Variants in SYNRG observed in about 807,000 individuals in gnomAD.
The protein encoded by SYNRG is AP1 gamma subunit binding protein 1.
In SYNRG, 37 loss-of-function variants were observed where a neutral mutation model predicts 130.9. The ratio of observed to expected loss-of-function variants is 0.28; its 90% CI spans 0.22 to 0.37. The LOEUF (loss-of-function observed/expected upper bound fraction) is 0.37, where lower values mean the gene tolerates loss of function less well. Ranked by LOEUF, SYNRG falls within the 10% of genes least tolerant of loss-of-function variation. SYNRG has a pLI of 1.00. For synonymous variants in SYNRG, 539 were observed against 568.1 expected (o/e 0.95, Z 0.73); for missense variants, 1,338 against 1,588.9 (o/e 0.84, Z 2.68).
rs779027775 is a variant in SYNRG, at chr17:37,596,224, T to C, written c.239A>G (p.Gln80Arg). The C allele has an allele frequency of 5.0e-6, 8 of 1,613,682 alleles. No homozygotes were observed. In the South Asian group the frequency reaches 8.8e-5, roughly 18 times the overall value. The change falls in exon 3 of 22, where the codon CAG becomes CGG. Residue 80 changes from glutamine (Q) to arginine (R), a missense_variant and splice_region_variant. Around this residue, in one of 3 missense-constraint regions of SYNRG, gnomAD observed 184 missense variants for 217.2 expected, o/e 0.85. Coordinates refer to ENST00000612223, the MANE Select transcript of SYNRG (RefSeq NM_007247.6). ...SQMSQGPIAM[Q>R]AGIPMGPMPA... ...GAAACCAACTAAAGAAGCAAGTACC[T>C]GCATAGCAATAGGTCCTTGGGACAT...
At chr17:37,523,204 G>T (rs1009532772) in intron 19 of SYNRG, among the ~76,000 whole-genome samples, 1 of 152,014 alleles carries the variant, frequency 6.6e-6, no homozygotes, top group Admixed American at 6.6e-5. Context: ...GTCACCCAGG[G>T]TGGAGTGCAG....
chr17:37,526,442 GT>G (rs1455272381), intron 19 of SYNRG, among the ~76,000 whole-genome samples: 5 of 152,218 alleles, frequency 3.3e-5, no homozygotes, highest in Non-Finnish European at 7.3e-5. Context: ...CAATTATAAA[GT>G]TTTGGTATTT....
chr17:37,596,162 T>C, intron 3 of SYNRG, 61 bp downstream of exon 3: 1 of 1,571,824 alleles, frequency 6.4e-7, no homozygotes, highest in Admixed American at 1.8e-5. Context: ...CTGTAGCTCT[T>C]GATATATAAA....
intron 6 of SYNRG, 135 bp from the exon 7 acceptor site, chr17:37,577,748 T>C (rs980070506): frequency 5.4e-5 from 38 of 700,204 alleles, no homozygotes; most frequent in African/African-American, 4.6e-4. Flanking sequence ...ACCCAGGCTG[T>C]AGTGTACTGG....
At chr17:37,591,585 G>GGT (rs2062196904) in intron 3 of SYNRG, among the ~76,000 whole-genome samples, 1 of 152,198 alleles carries the variant, frequency 6.6e-6, no homozygotes, top group African/African-American at 2.4e-5. Context: ...CTGTGTTATT[G>GGT]GTGAAGGAAC....
At chr17:37,569,356 G>T (rs1004592394) in intron 10 of SYNRG, among the ~76,000 whole-genome samples, 6 of 149,540 alleles carry the variant, frequency 4.0e-5, no homozygotes, top group Admixed American at 6.7e-5. Context: ...GTTGCAGTGA[G>T]CCGAGATTGT....
chr17:37,534,539 T>A (rs941335212), intron 19 of SYNRG, among the ~76,000 whole-genome samples: 2 of 152,090 alleles, frequency 1.3e-5, no homozygotes, highest in African/African-American at 4.8e-5. Context: ...TGAATTTAGA[T>A]TTTTAAAAGA....
chr17:37,587,004 A>G (rs2061742905), intron 3 of SYNRG, among the ~76,000 whole-genome samples: 1 of 152,212 alleles, frequency 6.6e-6, no homozygotes, highest in Non-Finnish European at 1.5e-5. Context: ...ATGAGAGGAT[A>G]ATGAATATTT....
At chr17:37,555,229 C>T (rs148190560) in intron 13 of SYNRG, among the ~76,000 whole-genome samples, 1,796 of 152,120 alleles carry the variant, frequency 0.012, 29 homozygotes, top group African/African-American at 0.04. Flanking sequence ...CAGGTTCAAG[C>T]GATTCTCCTG....
Position 37,609,350 on chromosome 17 carries a change from C to G in SYNRG, c.6G>C (p.Ala2=). Residue 2 remains alanine (A), a synonymous_variant, in exon 1 of 22, where the codon GCG becomes GCC. Transcript: ENST00000612223. The part of the protein sequence containing the change: M[A]LRPGAGSGGG... The stretch of plus-strand genomic sequence containing the variant: ...CACCAGAACCAGCTCCTGGCCGCAG[C>G]GCCATCTTGCTCCCGACCTGCCGCT... 13 of 1,450,948 alleles carry G rather than the reference C, an allele frequency of 9.0e-6. No individual in the cohort carries two copies. The highest frequency in any genetic ancestry group is 9.0e-6 in the Non-Finnish European group (10 of 1,108,116). The allele number at this position is 1,450,948 out of a possible 1,614,324, so 89.9% of individuals were successfully genotyped here.
intron 13 of SYNRG, among the ~76,000 whole-genome samples, chr17:37,558,651 G>A (rs2145569359): frequency 6.6e-6 from 1 of 152,236 alleles, no homozygotes; most frequent in Non-Finnish European, 1.5e-5. Context: ...TTAAATTATA[G>A]CCAATCTTGA....
chr17:37,586,347 G>T, intron 4 of SYNRG, 72 bp downstream of exon 4: 1 of 1,583,328 alleles, frequency 6.3e-7, no homozygotes, highest in South Asian at 1.1e-5. Flanking sequence ...CTGCACTAGA[G>T]ATCATTAGAC....
intron 13 of SYNRG, among the ~76,000 whole-genome samples, chr17:37,554,962 T>A (rs951790186): frequency 2.0e-5 from 3 of 152,158 alleles, no homozygotes; most frequent in African/African-American, 4.8e-5. Flanking sequence ...ATTTATTTTT[T>A]AAATAAAATT....
intron 19 of SYNRG, among the ~76,000 whole-genome samples, chr17:37,524,051 C>T (rs1413344362): frequency 6.6e-6 from 1 of 152,194 alleles, no homozygotes; most frequent in Non-Finnish European, 1.5e-5. Context: ...GCTAACACAG[C>T]CCATCGTGGT....
rs774914804 is a variant in SYNRG at position 37,609,372 on chromosome 17, C to T, written c.-17G>A. The T allele has an allele frequency of 3.5e-6, 5 of 1,413,270 alleles. No homozygotes were observed. Among genetic ancestry groups the T allele is most frequent in the African/African-American group, 1.5e-5 (1 of 66,710 alleles). 87.5% of individuals were successfully genotyped at this position (1,413,270 alleles called of 1,614,324 possible). A position where few individuals can be genotyped will look rare whatever the true frequency, so the allele number is the denominator to read the frequency against. ...CAGCGCCATCTTGCTCCCGACCTGC[C>T]GCTGCCTTCGCCGCCGCCACCTTAT... On this transcript the variant is annotated 5_prime_UTR_variant, in exon 1 of 22. Transcript: ENST00000612223.
chr17:37,577,665 T>C, intron 6 of SYNRG, 52 bp from the exon 7 acceptor site: 3 of 1,416,260 alleles, frequency 2.1e-6, no homozygotes, highest in Non-Finnish European at 2.9e-6. Context: ...ATGTCTAATC[T>C]TTTTAACCAT....
intron 19 of SYNRG, among the ~76,000 whole-genome samples, chr17:37,523,669 C>G (rs1052221090): frequency 1.3e-5 from 2 of 152,150 alleles, no homozygotes; most frequent in Non-Finnish European, 2.9e-5. Flanking sequence ...TCAGCTGTGT[C>G]TGAAATAGCA....
At chr17:37,552,324 C>G (rs2058770538) in intron 14 of SYNRG, among the ~76,000 whole-genome samples, 1 of 152,162 alleles carries the variant, frequency 6.6e-6, no homozygotes, top group Non-Finnish European at 1.5e-5. Context: ...ACTTGGGAAT[C>G]TAGTTTTTAT....
At chr17:37,609,006 G>T (rs2064119932) in intron 1 of SYNRG, among the ~76,000 whole-genome samples, 1 of 126,368 alleles carries the variant, frequency 7.9e-6, no homozygotes, top group Non-Finnish European at 1.7e-5. Context: ...ACCCCAAGAG[G>T]ACCCTCATCT....
Sources: gnomAD v4.1 joint callset for allele counts (sites outside exome capture counted in the v4.1 genomes callset) on GRCh38, gnomAD v4.1.1 for gene constraint, gnomAD v4.1.1 regional missense constraint, MANE v1.5 for transcripts, NCBI Gene and HGNC (gene_info 2026-07-23, HGNC 2026-07-21) for gene names.